DRC2: variants seen among roughly 807,000 people sequenced by gnomAD.
The protein encoded by DRC2 is dynein regulatory complex subunit 2, also known as coiled-coil domain containing 65.
At chr12:48,904,366 G>T in the DRC2 span, 1 of 1,613,876 alleles carries the variant, frequency 6.2e-7, no homozygotes, top group African/African-American at 1.3e-5. Flanking sequence ...TGGCCAAGAC[G>T]CCCCTGTCCG....
At chr12:48,912,092 T>C in the DRC2 span, among the ~76,000 whole-genome samples, 2 of 152,034 alleles carry the variant, frequency 1.3e-5, no homozygotes, top group African/African-American at 4.8e-5. Context: ...ATCTCATCTC[T>C]ACTAAAAAAT....
chr12:48,904,587 A>G, the DRC2 span: 7 of 1,366,526 alleles, frequency 5.1e-6, no homozygotes, highest in Non-Finnish European at 5.0e-6. Context: ...TGAGACCCAG[A>G]TATACTTAGA....
the DRC2 span, among the ~76,000 whole-genome samples, chr12:48,907,307 T>C: frequency 6.6e-6 from 1 of 152,072 alleles, no homozygotes; most frequent in Non-Finnish European, 1.5e-5. Context: ...TTTGTGGGAG[T>C]TATGTATCTC....
chr12:48,910,922 AT>A, the DRC2 span, among the ~76,000 whole-genome samples: 1 of 152,074 alleles, frequency 6.6e-6, no homozygotes, highest in South Asian at 2.1e-4. Context: ...GTATGTGCCT[AT>A]AGTCCCAGCT....
At chr12:48,912,619 C>T in the DRC2 span, among the ~76,000 whole-genome samples, 2 of 151,902 alleles carry the variant, frequency 1.3e-5, no homozygotes, top group African/African-American at 2.4e-5. Flanking sequence ...TCTGTTGACC[C>T]ATGTAGTCAT....
the DRC2 span, chr12:48,914,503 C>T: frequency 1.7e-5 from 28 of 1,614,036 alleles, no homozygotes; most frequent in African/African-American, 2.7e-5. Context: ...GCAGAGGCAC[C>T]GGCTCAGTCT....
the DRC2 span, chr12:48,918,631 T>C: frequency 1.3e-6 from 2 of 1,573,650 alleles, no homozygotes; most frequent in East Asian, 4.5e-5. Flanking sequence ...CCTGTCTCAC[T>C]GAAGACCCTC....
At chr12:48,904,497 C>T in the DRC2 span, 6 of 1,606,302 alleles carry the variant, frequency 3.7e-6, no homozygotes, top group East Asian at 1.1e-4. Flanking sequence ...ATGTCCTGCT[C>T]AACCCCATCC....
the DRC2 span, chr12:48,914,705 G>C: frequency 3.8e-6 from 3 of 797,742 alleles, no homozygotes; most frequent in Non-Finnish European, 5.8e-6. Flanking sequence ...ACCCCCAGCA[G>C]AGAATATCTT....
the DRC2 span, chr12:48,904,338 T>G: frequency 6.2e-7 from 1 of 1,612,894 alleles, no homozygotes; most frequent in Non-Finnish European, 8.5e-7. Flanking sequence ...CCTGCCCCCA[T>G]GCCTAAGAAA....
the DRC2 span, among the ~76,000 whole-genome samples, chr12:48,920,456 A>T: frequency 2.0e-5 from 3 of 148,416 alleles, no homozygotes; most frequent in Admixed American, 6.8e-5. Flanking sequence ...AAAAAAAAAA[A>T]AAAAAAAAAA....
the DRC2 span, chr12:48,918,923 T>G: frequency 6.3e-7 from 1 of 1,594,486 alleles, no homozygotes; most frequent in Non-Finnish European, 8.6e-7. Flanking sequence ...GGGAGAGGAC[T>G]ATCAGAATAA....
the DRC2 span, among the ~76,000 whole-genome samples, chr12:48,907,214 C>G: frequency 1.8e-4 from 27 of 151,342 alleles, no homozygotes; most frequent in African/African-American, 6.5e-4. Context: ...GACTCCGTCT[C>G]AAAAAAAACA....
At chr12:48,911,044 GCTT>G in the DRC2 span, among the ~76,000 whole-genome samples, 2 of 152,096 alleles carry the variant, frequency 1.3e-5, no homozygotes, top group Admixed American at 6.6e-5. Flanking sequence ...CCCATAAAGA[GCTT>G]CTTATTTTAC....
the DRC2 span, chr12:48,917,227 G>A: frequency 8.8e-7 from 1 of 1,137,922 alleles, no homozygotes; most frequent in African/African-American, 1.6e-5. Context: ...AAGGCAGGAG[G>A]ATCACTTGAG....
chr12:48,921,134 G>C, the DRC2 span: 79,397 of 1,611,270 alleles, frequency 0.049, 2,334 homozygotes, highest in Middle Eastern at 0.11. Flanking sequence ...AATGGGTCTC[G>C]CTGCACACCT....
At chr12:48,921,062 C>T in the DRC2 span, 2 of 1,611,800 alleles carry the variant, frequency 1.2e-6, no homozygotes, top group Non-Finnish European at 1.7e-6. Context: ...TCTAGAAGAG[C>T]TTACTGAGGA....
At chr12:48,918,780 T>C in the DRC2 span, 59 of 1,614,012 alleles carry the variant, frequency 3.7e-5, no homozygotes, top group Non-Finnish European at 4.8e-5. Flanking sequence ...AATTGGTCCT[T>C]GTACAACTGC....
At chr12:48,918,201 G>A in the DRC2 span, 1 of 1,385,180 alleles carries the variant, frequency 7.2e-7, no homozygotes. Flanking sequence ...TCAAGAGGGT[G>A]GGATTGCTGG....
Sources: allele counts gnomAD v4.1 joint callset (sites outside exome capture counted in the v4.1 genomes callset), GRCh38; gene constraint gnomAD v4.1.1; transcripts MANE v1.5; gene names NCBI Gene and HGNC (gene_info 2026-07-23, HGNC 2026-07-21).